Variants in BRCC3 observed in about 807,000 individuals in gnomAD.
The protein encoded by BRCC3 is lys-63-specific deubiquitinase BRCC36.
Under a neutral mutation model 28.0 loss-of-function variants are expected in BRCC3, and 15 were observed. The observed-to-expected ratio is 0.54, with a 90% CI of 0.36 to 0.82. The LOEUF (loss-of-function observed/expected upper bound fraction) is 0.82, where lower values mean the gene tolerates loss of function less well. Among genes scored for constraint, BRCC3 ranks in the 40% least tolerant of loss-of-function variants. The probability of loss-of-function intolerance (pLI) is 0.01; values close to 1 mark genes in which losing one functional copy is unlikely to be tolerated. For synonymous variants in BRCC3, 66 were observed against 80.3 expected (o/e 0.82, Z 0.95); for missense variants, 109 against 225.9 (o/e 0.48, Z 3.32).
chrX:155,074,533 C>T (rs1245643117), intron 3 of BRCC3, among the ~76,000 whole-genome samples: 1 of 111,788 alleles, frequency 8.9e-6, no homozygotes, highest in Non-Finnish European at 1.9e-5. Context: ...GTGGACTCCT[C>T]TTCCTCCTCT....
chrX:155,076,575 G>T (rs960958171), intron 3 of BRCC3, among the ~76,000 whole-genome samples: 1 of 109,912 alleles, frequency 9.1e-6, no homozygotes, highest in Non-Finnish European at 1.9e-5. Context: ...AGTGAGGGGG[G>T]AAGTGCCACA....
chrX:155,110,820 T>G (rs1170443659), intron 7 of BRCC3, among the ~76,000 whole-genome samples: 2 of 111,176 alleles, frequency 1.8e-5, no homozygotes, highest in Admixed American at 1.9e-4. Flanking sequence ...CTATATACTC[T>G]GGAAAGAATG....
intron 3 of BRCC3, among the ~76,000 whole-genome samples, chrX:155,074,902 A>G (rs2074018803): frequency 8.9e-6 from 1 of 111,943 alleles, no homozygotes; most frequent in South Asian, 3.7e-4. Context: ...TTTTAAGTGG[A>G]GTATTCAGTT....
At chrX:155,104,094 C>A (rs1345167710) in intron 7 of BRCC3, among the ~76,000 whole-genome samples, 1 of 111,390 alleles carries the variant, frequency 9.0e-6, no homozygotes, top group Non-Finnish European at 1.9e-5. Flanking sequence ...GCTTCTTGAA[C>A]ATACAAAATA....
intron 7 of BRCC3, among the ~76,000 whole-genome samples, chrX:155,100,005 T>C (rs1431938903): frequency 8.9e-6 from 1 of 111,996 alleles, no homozygotes; most frequent in East Asian, 2.8e-4. Flanking sequence ...ATTTTTAAGG[T>C]TATTACTCGA....
chrX:155,106,303 T>C (rs2074284372), intron 7 of BRCC3, among the ~76,000 whole-genome samples: 1 of 112,182 alleles, frequency 8.9e-6, no homozygotes, highest in Admixed American at 9.4e-5. Context: ...TTTTTGCTTG[T>C]ATATTTGAAG....
At chrX:155,110,230 G>A (rs180757276) in intron 7 of BRCC3, among the ~76,000 whole-genome samples, 4 of 111,545 alleles carry the variant, frequency 3.6e-5, no homozygotes, top group Non-Finnish European at 1.9e-5. Context: ...ATAGTACAAA[G>A]TAGAAAATGT....
chrX:155,084,322 A>AT (rs1321399662), intron 5 of BRCC3, among the ~76,000 whole-genome samples: 2 of 110,152 alleles, frequency 1.8e-5, no homozygotes, highest in Admixed American at 1.9e-4. Context: ...GATCTGCTCA[A>AT]TTTTTTTTTC....
intron 5 of BRCC3, among the ~76,000 whole-genome samples, chrX:155,087,067 A>C (rs1245713095): frequency 9.0e-6 from 1 of 111,699 alleles, no homozygotes; most frequent in Non-Finnish European, 1.9e-5. Flanking sequence ...CAAGGGCGAG[A>C]GGTGCAGGGT....
intron 5 of BRCC3, 33 bp from the exon 6 acceptor site, chrX:155,089,230 A>G: frequency 9.8e-7 from 1 of 1,017,040 alleles, no homozygotes; most frequent in South Asian, 2.0e-5. Flanking sequence ...CAGCTTATTG[A>G]CAGAAGATTT....
At chrX:155,081,651 A>G (rs2074086453) in intron 5 of BRCC3, among the ~76,000 whole-genome samples, 1 of 112,200 alleles carries the variant, frequency 8.9e-6, no homozygotes, top group African/African-American at 3.2e-5. Context: ...AGAAAGTGAA[A>G]TCTTTTTTTC....
rs2074168457 is a variant in BRCC3, at chrX:155,090,699, C to T, written c.493-85C>T. 7 of 709,913 alleles carry T rather than the reference C, an allele frequency of 9.9e-6. No homozygotes were observed. The South Asian group carries it at 1.7e-4, about 17-fold the overall frequency. The allele number at this position is 709,913 out of a possible 1,213,427, so 58.5% of individuals were successfully genotyped here. ...CATCTTTGGTATCTCTTTTAACATT[C>T]TGCTTCTAGAGGGACCTTTGGGGTC... On this transcript the variant is annotated intron_variant, in intron 6 of 10. Transcript: ENST00000330045.
At position 155,074,815 on chromosome X, in the gene BRCC3, A is replaced by G. The variant is rs1356766911; in HGVS notation, c.195+1384A>G. 7.1e-5 allele frequency among the ~76,000 whole-genome samples: 8 copies of G among 111,961 alleles called. No individual in the cohort carries two copies. The Admixed American group carries it at 7.6e-4, about 11-fold the overall frequency. On this transcript the variant is annotated intron_variant, in intron 3 of 10. Transcript: ENST00000330045. Reference sequence around the variant, plus strand: ...ATCCTTTTATTTTTAGCCTTTCTGTATACTAATATTTAAAATGTGTCTCTT... The same window carrying G: ...ATCCTTTTATTTTTAGCCTTTCTGTGTACTAATATTTAAAATGTGTCTCTT...
At chrX:155,072,239 CAT>C (rs1314307459) in intron 1 of BRCC3, 86 bp from the exon 2 acceptor site, 4 of 756,881 alleles carry the variant, frequency 5.3e-6, no homozygotes, top group Non-Finnish European at 6.1e-6. Flanking sequence ...TGCGTGAACA[CAT>C]GACCTAATTG....
At chrX:155,117,868 A>G (rs1557298998) in intron 9 of BRCC3, among the ~76,000 whole-genome samples, 1 of 112,180 alleles carries the variant, frequency 8.9e-6, no homozygotes, top group East Asian at 2.8e-4. Flanking sequence ...ACTAAGGTAC[A>G]GTGCTGAACA....
chrX:155,122,866 C>A lies in BRCC3; in HGVS notation c.*1662C>A, dbSNP rs1473212639. The A allele has an allele frequency of 9.0e-6, 1 of 111,387 alleles. No individual in the cohort carries two copies. The highest frequency in any genetic ancestry group is 1.9e-5 in the Non-Finnish European group (1 of 53,011). 9.2% of individuals were successfully genotyped at this position (111,387 alleles called of 1,213,427 possible). On this transcript the variant is annotated 3_prime_UTR_variant, in exon 11 of 11. Transcript: ENST00000330045. ...TGGAGGGGGTGTGGGGTATGTATGACTATAAAGGGATGACGCAAGGAGTTC... is the reference window on the plus strand; with the variant it reads ...TGGAGGGGGTGTGGGGTATGTATGAATATAAAGGGATGACGCAAGGAGTTC...
intron 9 of BRCC3, among the ~76,000 whole-genome samples, chrX:155,119,519 A>T (rs1168938001): frequency 8.9e-6 from 1 of 112,443 alleles, no homozygotes. Flanking sequence ...TCATTTCAAA[A>T]GAGGAGCTCT....
rs1186282092 is a variant in BRCC3, at chrX:155,116,037, C to T, written c.549-20C>T. On this transcript the variant is annotated intron_variant, in intron 7 of 10. Coordinates refer to ENST00000330045, the MANE Select transcript of BRCC3 (RefSeq NM_001018055.3). ...AACAACTCAGGGTTTAAAAACTGACCTGAACTGATTGCCTCACAGGTATGA... is the reference window on the plus strand; with the variant it reads ...AACAACTCAGGGTTTAAAAACTGACTTGAACTGATTGCCTCACAGGTATGA... 8.3e-7 allele frequency: 1 copy of T among 1,202,278 alleles called. No homozygotes were observed. The highest frequency in any genetic ancestry group is 1.1e-6 in the Non-Finnish European group (1 of 890,807).
At chrX:155,087,399 C>T (rs1557295069) in intron 5 of BRCC3, among the ~76,000 whole-genome samples, 7 of 112,009 alleles carry the variant, frequency 6.2e-5, no homozygotes, top group Non-Finnish European at 1.3e-4. Flanking sequence ...CTCGCTTTGG[C>T]AGGCGCCAGG....
Sources: gnomAD v4.1 joint callset for allele counts (sites outside exome capture counted in the v4.1 genomes callset) on GRCh38, gnomAD v4.1.1 for gene constraint, MANE v1.5 for transcripts, NCBI Gene and HGNC (gene_info 2026-07-23, HGNC 2026-07-21) for gene names.